Variants in HLTF observed in about 807,000 individuals in gnomAD.
HLTF encodes the protein helicase like transcription factor.
In HLTF, 127 loss-of-function variants were observed where a neutral mutation model predicts 129.4. The observed-to-expected ratio is 0.98, with a 90% confidence interval of 0.85 to 1.14. The LOEUF (loss-of-function observed/expected upper bound fraction) is 1.14. Among genes scored for constraint, HLTF ranks in the 50% most tolerant of loss-of-function variants. HLTF has a pLI of 0.00. For synonymous variants in HLTF, 332 were observed against 388.8 expected, an observed-to-expected ratio of 0.85 and a Z score of 1.72; for missense variants, 1,139 against 1,187.1, an observed-to-expected ratio of 0.96 and a Z score of 0.60.
intron 16 of HLTF, 45 bp from the exon 17 acceptor site, chr3:149,048,208 C>A: frequency 6.6e-7 from 1 of 1,511,330 alleles, no homozygotes; most frequent in South Asian, 1.3e-5. Flanking sequence ...CCAGAGTATC[C>A]AGTAAGAGTA....
intron 13 of HLTF, among the ~76,000 whole-genome samples, chr3:149,058,823 T>C (rs1717685316): frequency 6.6e-6 from 1 of 152,210 alleles, no homozygotes; most frequent in African/African-American, 2.4e-5. Flanking sequence ...ACTTTGAAAA[T>C]GTTCTCTCTT....
Position 149,060,801 on chromosome 3 carries a change from A to G in HLTF, c.1218T>C (p.Ser406=), listed in dbSNP as rs1179725258. The G allele has an allele frequency of 6.2e-7, 1 of 1,613,470 alleles. No homozygotes were observed. The highest frequency in any genetic ancestry group is 8.5e-7 in the Non-Finnish European group (1 of 1,179,532). The change falls in exon 11 of 25, where the codon AGT becomes AGC. Residue 406 remains serine, a synonymous_variant. Coordinates refer to ENST00000310053, the MANE Select transcript of HLTF (RefSeq NM_003071.4). ...TACCTTTCATTTTCTGCGGCAATTC[A>G]CTTGTTTCAATTTCCTCTGAATCAC... The part of the protein sequence containing the change: ...ESSDSEEIET[S]ELPQKMKGKL...
chr3:149,071,380 T>C lies in HLTF; in HGVS notation c.766A>G (p.Asn256Asp), dbSNP rs1718845459. ...QALAWMVSRE[N>D]SKELPPFWEQ... ...CAGAATGGTGGAAGTTCTTTGCTAT[T>C]TTCCCGTGACACCATCCAAGCTAGA... The change falls in exon 7 of 25, where the codon AAT becomes GAT. Residue 256 changes from asparagine to aspartate, a missense_variant. Asn to Asp is a conservative substitution (Grantham distance 23). Coordinates refer to ENST00000310053, the MANE Select transcript of HLTF (RefSeq NM_003071.4). The C allele has an allele frequency of 1.2e-6, 2 of 1,613,896 alleles. No homozygotes were observed. Among genetic ancestry groups the C allele is most frequent in the South Asian group, 1.1e-5 (1 of 91,074 alleles).
intron 10 of HLTF, among the ~76,000 whole-genome samples, chr3:149,061,568 G>A (rs1717952052): frequency 6.6e-6 from 1 of 151,900 alleles, no homozygotes; most frequent in Non-Finnish European, 1.5e-5. Context: ...AGGCACGGTG[G>A]CTCATGTCTG....
chr3:149,057,171 T>C (rs1360221694), intron 13 of HLTF, among the ~76,000 whole-genome samples: 1 of 138,284 alleles, frequency 7.2e-6, no homozygotes, highest in African/African-American at 2.8e-5. Context: ...CTCATGCCTG[T>C]AATCCCAGCA....
intron 17 of HLTF, 87 bp from the exon 18 acceptor site, chr3:149,046,346 T>C (rs1232523841): frequency 1.3e-6 from 1 of 749,960 alleles, no homozygotes; most frequent in Non-Finnish European, 2.0e-6. Context: ...TTTTAATTTG[T>C]TACTGTTTTA....
intron 2 of HLTF, among the ~76,000 whole-genome samples, chr3:149,084,207 A>G (rs779232317): frequency 6.6e-6 from 1 of 152,206 alleles, no homozygotes; most frequent in Non-Finnish European, 1.5e-5. Context: ...CAATCAAAAA[A>G]CAATTTGAAA....
intron 23 of HLTF, 52 bp downstream of exon 23, chr3:149,038,997 A>AT: frequency 1.8e-6 from 2 of 1,114,916 alleles, no homozygotes; most frequent in Non-Finnish European, 2.5e-6. Flanking sequence ...TTTTTGTCTT[A>AT]TTTTTTTGAA....
intron 18 of HLTF, among the ~76,000 whole-genome samples, chr3:149,042,802 T>C (rs1716239453): frequency 6.6e-6 from 1 of 151,952 alleles, no homozygotes; most frequent in Admixed American, 6.6e-5. Context: ...TTATGTGTAC[T>C]AATAAAACCT....
chr3:149,065,821 T>A (rs902884795), intron 8 of HLTF, among the ~76,000 whole-genome samples: 3 of 152,008 alleles, frequency 2.0e-5, no homozygotes, highest in Admixed American at 1.3e-4. Context: ...AAAATAAAAT[T>A]AAATTAATTT....
Position 149,060,660 on chromosome 3 carries a change from G to C in HLTF, c.1268C>G (p.Thr423Ser). 1 of 1,612,796 alleles carries C rather than the reference G, an allele frequency of 6.2e-7. No homozygotes were observed. Among genetic ancestry groups the C allele is most frequent in the Non-Finnish European group, 8.5e-7 (1 of 1,179,194 alleles). Reference sequence around the variant, plus strand: ...ACACATACCTTTCGCCCTGCCTTTAGTTTCAGACTGTACATTTTTCAGTTT... The same window carrying C: ...ACACATACCTTTCGCCCTGCCTTTACTTTCAGACTGTACATTTTTCAGTTT... Reference protein sequence around the residue: ...KGKLKNVQSETKGRAKAGSSK... With the variant: ...KGKLKNVQSESKGRAKAGSSK... Residue 423 changes from threonine (T) to serine (S), a missense_variant, in exon 12 of 25, where the codon ACT becomes AGT. Thr to Ser is a moderately conservative substitution (Grantham distance 58). Transcript: ENST00000310053.
At chr3:149,045,530 C>T (rs1044801572) in intron 18 of HLTF, among the ~76,000 whole-genome samples, 2 of 152,154 alleles carry the variant, frequency 1.3e-5, no homozygotes, top group Non-Finnish European at 2.9e-5. Flanking sequence ...AGATTTTGAA[C>T]TCAGAAATCT....
intron 5 of HLTF, among the ~76,000 whole-genome samples, chr3:149,072,549 TA>T (rs1441181639): frequency 6.6e-6 from 1 of 152,210 alleles, no homozygotes; most frequent in African/African-American, 2.4e-5. Context: ...GTGATACAGA[TA>T]TTTTTGAAAA....
chr3:149,032,032 C>G lies in HLTF; in HGVS notation c.*188G>C. 2.5e-6 allele frequency: 1 copy of G among 407,734 alleles called. No individual in the cohort carries two copies. Among genetic ancestry groups the G allele is most frequent in the Non-Finnish European group, 4.3e-6 (1 of 233,580 alleles). 25.3% of individuals were successfully genotyped at this position (407,734 alleles called of 1,614,324 possible). On this transcript the variant is annotated 3_prime_UTR_variant, in exon 25 of 25. Transcript: ENST00000310053. ...CCACAGTATATAACGGAACTTATTG[C>G]TATTTGAAGTTTCATTAAAAATAGG...
chr3:149,067,883 C>G (rs1375900890), intron 8 of HLTF, among the ~76,000 whole-genome samples: 1 of 152,250 alleles, frequency 6.6e-6, no homozygotes, highest in East Asian at 1.9e-4. Flanking sequence ...GTGGCTCACA[C>G]CTATAGCCCC....
At chr3:149,048,238 GA>G in intron 16 of HLTF, 75 bp from the exon 17 acceptor site, 3 of 1,216,310 alleles carry the variant, frequency 2.5e-6, no homozygotes, top group Non-Finnish European at 3.4e-6. Flanking sequence ...CCCAATCAGA[GA>G]AGACAACAAT....
chr3:149,074,122 A>C (rs1179507051), intron 4 of HLTF, 93 bp downstream of exon 4: 1 of 1,302,656 alleles, frequency 7.7e-7, no homozygotes, highest in Non-Finnish European at 1.0e-6. Flanking sequence ...CCTTGAGCAC[A>C]AATTAGCCAA....
At chr3:149,063,606 TC>T in intron 9 of HLTF, 82 bp from the exon 10 acceptor site, 1 of 752,438 alleles carries the variant, frequency 1.3e-6, no homozygotes, top group Non-Finnish European at 2.3e-6. Context: ...ACCTTGGTTT[TC>T]TAATTACTGA....
intron 8 of HLTF, among the ~76,000 whole-genome samples, chr3:149,066,385 CTT>C (rs1384726920): frequency 6.6e-6 from 1 of 152,084 alleles, no homozygotes; most frequent in African/African-American, 2.4e-5. Context: ...GCTCAGCAAA[CTT>C]TTTCTCTATA....
Sources: allele counts gnomAD v4.1 joint callset (sites outside exome capture counted in the v4.1 genomes callset), GRCh38; gene constraint gnomAD v4.1.1; transcripts MANE v1.5; gene names NCBI Gene and HGNC (gene_info 2026-07-23, HGNC 2026-07-21).